The following USP13 variants were observed in gnomAD, a reference collection of about 807,000 sequenced individuals.
The protein encoded by USP13 is ubiquitin carboxyl-terminal hydrolase 13.
In USP13, 68 loss-of-function variants were observed where a neutral mutation model predicts 107.8. That is an observed-to-expected ratio of 0.63 (90% CI 0.52 to 0.77). The LOEUF is 0.77. USP13 is among the 30% of genes least tolerant of loss of function. USP13 has a pLI of 0.00. For synonymous variants in USP13, 377 were observed against 389.5 expected (o/e 0.97, Z 0.38); for missense variants, 945 against 1,093.3 (o/e 0.86, Z 1.91).
intron 8 of USP13, among the ~76,000 whole-genome samples, chr3:179,722,166 G>C (rs1713348481): frequency 6.6e-6 from 1 of 151,860 alleles, no homozygotes; most frequent in South Asian, 2.1e-4. Context: ...TATGTACCAA[G>C]AATATATTAA....
chr3:179,665,335 C>T (rs1046932829), intron 1 of USP13, among the ~76,000 whole-genome samples: 9 of 152,166 alleles, frequency 5.9e-5, no homozygotes, highest in African/African-American at 1.9e-4. Context: ...AACTCCAATC[C>T]GTCAAGTGTC....
At chr3:179,716,347 G>A (rs1367609659) in intron 6 of USP13, among the ~76,000 whole-genome samples, 1 of 152,170 alleles carries the variant, frequency 6.6e-6, no homozygotes, top group Non-Finnish European at 1.5e-5. Flanking sequence ...CCTAGGATAA[G>A]GGCATAAAGT....
At chr3:179,720,212 G>A (rs1003801131) in intron 7 of USP13, among the ~76,000 whole-genome samples, 178 bp downstream of exon 7, 1 of 152,054 alleles carries the variant, frequency 6.6e-6, no homozygotes, top group African/African-American at 2.4e-5. Context: ...GTTTTCTTTT[G>A]GTTGCCAGCT....
Position 179,721,582 on chromosome 3 carries a change from C to T in USP13, c.1081C>T (p.Gln361Ter), listed in dbSNP as rs1331731675. ...GGCCATCTTCAGCATCCCAGAATTC[C>T]AGAGAGCGTAAGTGCCTTCCATGCA... ...MQAIFSIPEF[Q>*]RAYVGNLPRI... The change falls in exon 8 of 21, where the codon CAG becomes TAG. Residue 361 changes from glutamine (Q) to a stop codon, truncating the protein, a stop_gained. Coordinates refer to ENST00000263966, the MANE Select transcript of USP13 (RefSeq NM_003940.3). LOFTEE classifies it high-confidence loss of function. This position sits in a 1 kb window ranked among gnomAD's most constrained non-coding sequence, Gnocchi z 4.3. 1 of 1,613,232 alleles carries T rather than the reference C, an allele frequency of 6.2e-7. No homozygotes were observed.
At chr3:179,780,119 C>G (rs954230603) in intron 19 of USP13, among the ~76,000 whole-genome samples, 1 of 152,208 alleles carries the variant, frequency 6.6e-6, no homozygotes, top group African/African-American at 2.4e-5. Context: ...CCCCACAGTT[C>G]ACCTTACACT....
chr3:179,665,118 T>C (rs1720550893), intron 1 of USP13, among the ~76,000 whole-genome samples: 1 of 151,982 alleles, frequency 6.6e-6, no homozygotes, highest in Non-Finnish European at 1.5e-5. Context: ...AAAGGAAACA[T>C]TCTGCTTTGT....
chr3:179,763,833 G>A (rs1005707446), intron 17 of USP13, among the ~76,000 whole-genome samples, 169 bp from the exon 18 acceptor site: 3 of 151,798 alleles, frequency 2.0e-5, no homozygotes, highest in Non-Finnish European at 4.4e-5. Flanking sequence ...CGATCCACTC[G>A]CCTTGGCCTC....
intron 5 of USP13, 92 bp downstream of exon 5, chr3:179,707,168 T>A (rs1712751340): frequency 6.9e-7 from 1 of 1,447,096 alleles, no homozygotes; most frequent in Admixed American, 2.5e-5. Flanking sequence ...GGAAGTTATA[T>A]TTTTTCTTAC....
intron 19 of USP13, among the ~76,000 whole-genome samples, chr3:179,770,661 G>C (rs1235876832): frequency 1.3e-5 from 2 of 151,524 alleles, no homozygotes; most frequent in Non-Finnish European, 2.9e-5. Context: ...CTGGAGTGCA[G>C]TGGCGCCATC....
chr3:179,664,874 G>T (rs1304563319), intron 1 of USP13, among the ~76,000 whole-genome samples: 1 of 152,122 alleles, frequency 6.6e-6, no homozygotes, highest in Non-Finnish European at 1.5e-5. Context: ...GATCACCTGA[G>T]GTCAGGAGTT....
intron 1 of USP13, among the ~76,000 whole-genome samples, chr3:179,670,141 C>T (rs1720707413): frequency 6.6e-6 from 1 of 152,198 alleles, no homozygotes; most frequent in Admixed American, 6.5e-5. Context: ...ACTCTTCCTT[C>T]TTTGCTTGCC....
At position 179,784,201 on chromosome 3, in the gene USP13, A is replaced by AC; in HGVS notation, c.*60_*61insC. 7.5e-7 allele frequency: 1 copy of AC among 1,340,282 alleles called. No homozygotes were observed. The highest frequency in any genetic ancestry group is 1.0e-6 in the Non-Finnish European group (1 of 958,280). The allele number at this position is 1,340,282 out of a possible 1,614,324, so 83.0% of individuals were successfully genotyped here. A position where few individuals can be genotyped will look rare whatever the true frequency, so the allele number is the denominator to read the frequency against. On this transcript the variant is annotated 3_prime_UTR_variant, in exon 21 of 21. Coordinates refer to ENST00000263966, the MANE Select transcript of USP13 (RefSeq NM_003940.3). Reference sequence around the variant, plus strand: ...ACGCCTTTTTAATTTGCCAAAAAAAAAAAGAAGAAGAAGAAGTTGAAACAA... The same window carrying AC: ...ACGCCTTTTTAATTTGCCAAAAAAAACAAAGAAGAAGAAGAAGTTGAAACAA...
At chr3:179,713,529 G>A (rs908769367) in intron 6 of USP13, among the ~76,000 whole-genome samples, 2 of 152,092 alleles carry the variant, frequency 1.3e-5, no homozygotes, top group East Asian at 3.9e-4. Flanking sequence ...CTGTCTGGGG[G>A]TAGCCATCTC....
chr3:179,715,840 A>G (rs907922109), intron 6 of USP13, among the ~76,000 whole-genome samples: 1 of 151,912 alleles, frequency 6.6e-6, no homozygotes, highest in African/African-American at 2.4e-5. Context: ...TCTCCGATTT[A>G]TTACTTGGTG....
intron 1 of USP13, among the ~76,000 whole-genome samples, chr3:179,667,796 C>T (rs982337401): frequency 2.0e-5 from 3 of 152,100 alleles, no homozygotes; most frequent in East Asian, 1.9e-4. Flanking sequence ...AACAGGCATG[C>T]GTCACCACAC....
intron 1 of USP13, among the ~76,000 whole-genome samples, chr3:179,671,122 G>A (rs1441706035): frequency 6.6e-6 from 1 of 152,046 alleles, no homozygotes; most frequent in Non-Finnish European, 1.5e-5. Context: ...GTGTGGTGGT[G>A]GGCACCAGTA....
intron 1 of USP13, among the ~76,000 whole-genome samples, chr3:179,676,482 TA>T (rs1226988708): frequency 6.6e-6 from 1 of 152,158 alleles, no homozygotes; most frequent in East Asian, 1.9e-4. Flanking sequence ...TCAAGAAGCT[TA>T]GCTTGATTGT....
chr3:179,701,590 C>T (rs1712525360), intron 4 of USP13, among the ~76,000 whole-genome samples: 1 of 152,210 alleles, frequency 6.6e-6, no homozygotes, highest in African/African-American at 2.4e-5. Flanking sequence ...TGCTCCACTG[C>T]TGAAACAATA....
At chr3:179,730,835 A>G (rs1713778497) in intron 10 of USP13, 126 bp downstream of exon 10, 7 of 808,318 alleles carry the variant, frequency 8.7e-6, no homozygotes, top group Non-Finnish European at 1.4e-5. Context: ...ATGTCATTTC[A>G]GTGTCTAGGG....
Sources: allele counts gnomAD v4.1 joint callset (sites outside exome capture counted in the v4.1 genomes callset), GRCh38; gene constraint gnomAD v4.1.1; non-coding constraint Gnocchi (gnomAD v3.1); transcripts MANE v1.5; gene names NCBI Gene and HGNC (gene_info 2026-07-23, HGNC 2026-07-21).